The following MYH7 variants were observed in gnomAD, a reference collection of about 807,000 sequenced individuals.
The protein encoded by MYH7 is myosin-7.
In MYH7, 129 loss-of-function variants were observed where a neutral mutation model predicts 225.4. The observed-to-expected ratio is 0.57, with a 90% CI of 0.50 to 0.66. The LOEUF is 0.66. MYH7 is among the 30% of genes least tolerant of loss of function. The pLI is 0.00. For synonymous variants in MYH7, 971 were observed against 1,007.6 expected (o/e 0.96, Z 0.69); for missense variants, 1,649 against 2,517.0 (o/e 0.66, Z 7.38).
chr14:23,416,260 T>C lies in MYH7; in HGVS notation c.4697A>G (p.Asn1566Ser), dbSNP rs988401698. 1.9e-6 allele frequency: 3 copies of C among 1,613,454 alleles called. No individual in the cohort carries two copies. The highest frequency in any genetic ancestry group is 2.5e-6 in the Non-Finnish European group (3 of 1,179,504). Residue 1566 changes from asparagine to serine, a missense_variant, in exon 34 of 40, where the codon AAC (asparagine) becomes AGC (serine). Transcript: ENST00000355349. Reference sequence around the variant, plus strand: ...CCGCTCGATCTCTGCCTTGATCTGGTTGAACTCCAGCTGGGCCCGGAGGAT... The same window carrying C: ...CCGCTCGATCTCTGCCTTGATCTGGCTGAACTCCAGCTGGGCCCGGAGGAT... ...GKILRAQLEF[N>S]QIKAEIERKL... is the part of the protein sequence containing the mutation.
intron 31 of MYH7, 65 bp from the exon 32 acceptor site, chr14:23,417,383 A>G (rs1027716243): frequency 1.9e-6 from 3 of 1,611,700 alleles, no homozygotes; most frequent in Admixed American, 1.7e-5. Context: ...GGTCTGTCTC[A>G]GGACCTGCCT....
At position 23,427,877 on chromosome 14, in the gene MYH7, G is replaced by T. The variant is rs745682419; in HGVS notation, c.1596C>A (p.Ser532=). The T allele has an allele frequency of 1.9e-6, 3 of 1,614,140 alleles. No homozygotes were observed. Among genetic ancestry groups the T allele is most frequent in the Non-Finnish European group, 2.5e-6 (3 of 1,180,014 alleles). The part of the protein sequence containing the change: ...DLIEKPMGIM[S]ILEEECMFPK... Reference sequence around the variant, plus strand: ...GGAACATGCACTCCTCTTCCAGGATGGACATGATGCCCATGGGCTGAGGAA... The same window carrying T: ...GGAACATGCACTCCTCTTCCAGGATTGACATGATGCCCATGGGCTGAGGAA... The change falls in exon 16 of 40, where the codon TCC becomes TCA. Residue 532 remains serine, a synonymous_variant. Coordinates refer to ENST00000355349, the MANE Select transcript of MYH7 (RefSeq NM_000257.4).
intron 39 of MYH7, 46 bp downstream of exon 39, chr14:23,413,713 A>G (rs1454396673): frequency 1.2e-6 from 2 of 1,612,404 alleles, no homozygotes; most frequent in Non-Finnish European, 8.5e-7. Flanking sequence ...CTGTCTGGGT[A>G]TGCCTGCTGT....
At position 23,425,182 on chromosome 14, in the gene MYH7, T is replaced by G; in HGVS notation, c.2423+100A>C. 6.2e-7 allele frequency: 1 copy of G among 1,606,078 alleles called. No homozygotes were observed. The highest frequency in any genetic ancestry group is 8.5e-7 in the Non-Finnish European group (1 of 1,174,034). On this transcript the variant is annotated intron_variant, in intron 21 of 39. Transcript: ENST00000355349. The surrounding 1 kb of genome is among the most constrained non-coding windows in gnomAD (Gnocchi z 4.6). The stretch of plus-strand genomic sequence containing the variant: ...TGTTCATATGAGCCCCTCCTGCAGG[T>G]CTCTGTGTTTGAAGATCTGCTGAGC...
chr14:23,415,583 G>C lies in MYH7; in HGVS notation c.5157+46C>G, dbSNP rs1264098103. On this transcript the variant is annotated intron_variant, in intron 35 of 39. Transcript: ENST00000355349. This position sits in a 1 kb window ranked among gnomAD's most constrained non-coding sequence, Gnocchi z 6.3. ...ATAGCTCTCAAGCCTTGCTTGCTGA[G>C]CCCCAGCCTGTGCTCCCTTCAGGAA... The C allele has an allele frequency of 6.2e-7, 1 of 1,613,728 alleles. No homozygotes were observed. Among genetic ancestry groups the C allele is most frequent in the Admixed American group, 1.7e-5 (1 of 60,022 alleles).
intron 13 of MYH7, 54 bp from the exon 14 acceptor site, chr14:23,429,158 T>C: frequency 1.9e-6 from 3 of 1,614,106 alleles, no homozygotes; most frequent in Non-Finnish European, 2.5e-6. Flanking sequence ...AAGAGTGAAC[T>C]TGAAAACTCT....
At position 23,427,739 on chromosome 14, in the gene MYH7, G is replaced by C; in HGVS notation, c.1734C>G (p.Ser578=). ...NIKGKPEAHF[S]LIHYAGIVDY... Reference sequence around the variant, plus strand: ...CCACGATGCCGGCATAGTGGATCAGGGAGAAGTGGGCTTCAGGCTTCCCCT... The same window carrying C: ...CCACGATGCCGGCATAGTGGATCAGCGAGAAGTGGGCTTCAGGCTTCCCCT... The change falls in exon 16 of 40, where the codon TCC becomes TCG. Residue 578 remains serine (S), a synonymous_variant. Transcript: ENST00000355349. The C allele has an allele frequency of 6.2e-7, 1 of 1,614,168 alleles. No homozygotes were observed.
At chr14:23,424,472 C>T (rs900169470) in intron 22 of MYH7, among the ~76,000 whole-genome samples, 1 of 152,208 alleles carries the variant, frequency 6.6e-6, no homozygotes, top group Non-Finnish European at 1.5e-5. Flanking sequence ...GCTTTATTCC[C>T]TGTCTAGAGG....
At chr14:23,428,372 C>G in intron 15 of MYH7, 128 bp downstream of exon 15, 1 of 1,480,198 alleles carries the variant, frequency 6.8e-7, no homozygotes, top group Non-Finnish European at 9.3e-7. Context: ...GGCTCTGGAA[C>G]CAAGGGCTCG....
Position 23,413,937 on chromosome 14 carries a change from C to G in MYH7, c.5656-44G>C, listed in dbSNP as rs565232568. ...TGAGGTGAGAGGGGGCCTGGGTTCT[C>G]AGACTCCTGGCTTGGGGGACGAGCT... On this transcript the variant is annotated intron_variant, in intron 38 of 39. Coordinates refer to ENST00000355349, the MANE Select transcript of MYH7 (RefSeq NM_000257.4). 1.5e-4 allele frequency: 240 copies of G among 1,614,244 alleles called. 2 individuals carry two copies. The South Asian group carries it at 2.3e-3, about 16-fold the overall frequency.
At position 23,431,612 on chromosome 14, in the gene MYH7, G is replaced by T. The variant is rs552415639; in HGVS notation, c.705C>A (p.Thr235=). ...PALEAFGNAK[T]VRNDNSSRFG... ...AGCGGGAGGAGTTGTCGTTCCGGAC[G>T]GTCTTGGCATTGCCAAAGGCCTCCA... The change falls in exon 8 of 40, where the codon ACC becomes ACA. Residue 235 remains threonine (T), a synonymous_variant. Coordinates refer to ENST00000355349, the MANE Select transcript of MYH7 (RefSeq NM_000257.4). 6.2e-7 allele frequency: 1 copy of T among 1,614,246 alleles called. No individual in the cohort carries two copies. The highest frequency in any genetic ancestry group is 1.1e-5 in the South Asian group (1 of 91,092).
At chr14:23,418,712 C>G (rs944184634) in intron 29 of MYH7, among the ~76,000 whole-genome samples, 64 of 152,304 alleles carry the variant, frequency 4.2e-4, no homozygotes, top group African/African-American at 1.5e-3. Context: ...GGGGACTTCC[C>G]TAACCTAAGA....
At chr14:23,426,692 T>C (rs1892706053) in intron 18 of MYH7, 85 bp downstream of exon 18, 3 of 1,259,224 alleles carry the variant, frequency 2.4e-6, no homozygotes, top group South Asian at 2.4e-5. Flanking sequence ...ACCACTGTGG[T>C]GGTAGGTAGG....
rs761233661 is a variant in MYH7, at chr14:23,418,079, C to T, written c.4169+131G>A. 3.1e-5 allele frequency: 42 copies of T among 1,361,326 alleles called. 1 individual carries two copies. The highest frequency in any genetic ancestry group is 1.8e-4 in the Admixed American group (11 of 59,698). The allele number at this position is 1,361,326 out of a possible 1,614,324, so 84.3% of individuals were successfully genotyped here. ...CCCTGAGAGGAGAAGGAGGTGGGGC[C>T]GGGGCAGAGTCCTCCTGTGTTGTCA... On this transcript the variant is annotated intron_variant, in intron 30 of 39. Transcript: ENST00000355349.
In MYH7 at chr14:23,420,101, G is replaced by A; in HGVS notation, c.3470C>T (p.Thr1157Met). ...CTTGTTCATCTCGATCTGCACGGAC[G>A]TGGCCCCGCCGGCCTCTTCCAGCCG... is the stretch of plus-strand genomic sequence containing the variant. ...SERLEEAGGA[T>M]SVQIEMNKKR... Residue 1157 changes from threonine (T) to methionine (M), a missense_variant, in exon 27 of 40, where the codon ACG becomes ATG. Thr to Met is a moderately conservative substitution (Grantham distance 81). This residue lies in a region of MYH7 where 106 missense variants were observed against 198.8 expected (regional missense o/e 0.53). Coordinates refer to ENST00000355349, the MANE Select transcript of MYH7 (RefSeq NM_000257.4). The A allele has an allele frequency of 1.2e-6, 2 of 1,602,964 alleles. No homozygotes were observed. The highest frequency in any genetic ancestry group is 1.7e-6 in the Non-Finnish European group (2 of 1,176,228).
At chr14:23,416,847 G>T in intron 33 of MYH7, 21 bp downstream of exon 33, 1 of 1,613,938 alleles carries the variant, frequency 6.2e-7, no homozygotes, top group Non-Finnish European at 8.5e-7. Context: ...CCTGCACCCC[G>T]TGCCCTGCAC....
Position 23,427,739 on chromosome 14 carries a change from G to A in MYH7, c.1734C>T (p.Ser578=), listed in dbSNP as rs201393848. ...NIKGKPEAHF[S]LIHYAGIVDY... is the part of the protein sequence containing the mutation. ...CCACGATGCCGGCATAGTGGATCAG[G>A]GAGAAGTGGGCTTCAGGCTTCCCCT... Residue 578 remains serine (S), a synonymous_variant, in exon 16 of 40, where the codon TCC becomes TCT. Transcript: ENST00000355349. 2 of 1,614,168 alleles carry A rather than the reference G, an allele frequency of 1.2e-6. No homozygotes were observed. The highest frequency in any genetic ancestry group is 1.7e-6 in the Non-Finnish European group (2 of 1,180,018).
intron 17 of MYH7, 88 bp from the exon 18 acceptor site, chr14:23,426,952 A>G: frequency 6.4e-6 from 8 of 1,241,152 alleles, no homozygotes; most frequent in Middle Eastern, 1.9e-4. Context: ...AGGAAAAGAG[A>G]GATGGAGAGA....
intron 26 of MYH7, 147 bp downstream of exon 26, chr14:23,420,811 T>C: frequency 2.9e-6 from 2 of 700,318 alleles, no homozygotes; most frequent in African/African-American, 1.7e-5. Flanking sequence ...GATGTATCCA[T>C]GGGCACACTG....
Sources: allele counts gnomAD v4.1 joint callset (sites outside exome capture counted in the v4.1 genomes callset), GRCh38; gene constraint gnomAD v4.1.1; regional missense constraint gnomAD v4.1.1; non-coding constraint Gnocchi (gnomAD v3.1); transcripts MANE v1.5; gene names NCBI Gene and HGNC (gene_info 2026-07-23, HGNC 2026-07-21).